Variants in GADL1 observed in about 807,000 individuals in gnomAD.
GADL1 encodes acidic amino acid decarboxylase GADL1.
GADL1 carries 71 observed loss-of-function variants against 69.5 expected under a neutral mutation model. The ratio of observed to expected loss-of-function variants is 1.02; its 90% CI spans 0.84 to 1.25. GADL1 has a LOEUF of 1.25. GADL1 is among the 50% of genes most tolerant of loss of function. The pLI, the probability that GADL1 is intolerant of heterozygous loss-of-function variation, is 0.00. For missense variants in GADL1, 737 were observed against 631.8 expected (o/e 1.17, Z -1.79); for synonymous variants, 254 against 214.4 (o/e 1.18, Z -1.62).
intron 14 of GADL1, among the ~76,000 whole-genome samples, chr3:30,757,634 C>G (rs1439547208): frequency 1.3e-5 from 2 of 152,162 alleles, no homozygotes. Context: ...AACCCCCCCA[C>G]AGAGAATGAG....
intron 14 of GADL1, among the ~76,000 whole-genome samples, 164 bp from the exon 15 acceptor site, chr3:30,728,579 C>A (rs1695406408): frequency 6.6e-6 from 1 of 152,178 alleles, no homozygotes; most frequent in South Asian, 2.1e-4. Context: ...ATGGAGGACT[C>A]ATGAGTACTG....
At chr3:30,868,266 C>T (rs971385295) in intron 1 of GADL1, among the ~76,000 whole-genome samples, 2 of 151,874 alleles carry the variant, frequency 1.3e-5, no homozygotes, top group Non-Finnish European at 2.9e-5. Flanking sequence ...CAGTGGTTTC[C>T]GATAGTCCGT....
chr3:30,865,319 G>C lies in GADL1; in HGVS notation c.38-3554C>G, dbSNP rs960709033. 2.5e-4 allele frequency among the ~76,000 whole-genome samples: 37 copies of C among 150,188 alleles called. 1 individual carries two copies. The highest frequency in any genetic ancestry group is 6.6e-5 in the Admixed American group (1 of 15,068). ...TATATATATATATTTTTTAATATCTGTCTCTCCAATAAAGAAAGGTTAAGC... is the reference window on the plus strand; with the variant it reads ...TATATATATATATTTTTTAATATCTCTCTCTCCAATAAAGAAAGGTTAAGC... On this transcript the variant is annotated intron_variant, in intron 1 of 14. Transcript: ENST00000282538.
chr3:30,835,108 C>T (rs950366713), intron 9 of GADL1, among the ~76,000 whole-genome samples: 1 of 152,086 alleles, frequency 6.6e-6, no homozygotes, highest in Admixed American at 6.6e-5. Flanking sequence ...GTTATGATCA[C>T]TTCCACTTTT....
chr3:30,809,534 T>C (rs1305536583), intron 11 of GADL1, among the ~76,000 whole-genome samples: 3 of 152,176 alleles, frequency 2.0e-5, no homozygotes, highest in African/African-American at 7.2e-5. Flanking sequence ...TTTTTTGATA[T>C]TGACTCAGCT....
intron 1 of GADL1, 102 bp downstream of exon 1, chr3:30,894,476 A>G (rs1698830294): frequency 1.1e-5 from 11 of 964,952 alleles, no homozygotes; most frequent in Middle Eastern, 2.2e-4. Context: ...GCCGCTTTAC[A>G]AAGAAATAAC....
intron 14 of GADL1, among the ~76,000 whole-genome samples, chr3:30,750,849 A>G (rs1695799388): frequency 1.3e-5 from 2 of 152,044 alleles, no homozygotes; most frequent in African/African-American, 2.4e-5. Context: ...TTTTATTTTC[A>G]ATGAACATTA....
chr3:30,736,932 G>A (rs531891763), intron 14 of GADL1, among the ~76,000 whole-genome samples: 1 of 152,170 alleles, frequency 6.6e-6, no homozygotes, highest in Non-Finnish European at 1.5e-5. Context: ...AGTAAAAAAA[G>A]TTACTTTTTC....
At chr3:30,752,409 G>A (rs1428195014) in intron 14 of GADL1, among the ~76,000 whole-genome samples, 1 of 151,910 alleles carries the variant, frequency 6.6e-6, no homozygotes, top group Non-Finnish European at 1.5e-5. Flanking sequence ...TATGGTGAAA[G>A]AGGATGGGAG....
intron 12 of GADL1, 62 bp from the exon 13 acceptor site, chr3:30,786,468 T>C: frequency 1.2e-6 from 1 of 864,934 alleles, no homozygotes; most frequent in South Asian, 1.4e-5. Context: ...TGAACATGAC[T>C]GATATGACAA....
chr3:30,788,497 T>G (rs1000376744), intron 12 of GADL1, among the ~76,000 whole-genome samples: 1 of 152,190 alleles, frequency 6.6e-6, no homozygotes, highest in African/African-American at 2.4e-5. Flanking sequence ...GCCTTGATGT[T>G]GGTTGCTGAC....
At chr3:30,756,097 C>A (rs1272875325) in intron 14 of GADL1, among the ~76,000 whole-genome samples, 1 of 152,134 alleles carries the variant, frequency 6.6e-6, no homozygotes, top group Non-Finnish European at 1.5e-5. Flanking sequence ...CAGCAGGGAA[C>A]CAGCAGCAGC....
At chr3:30,764,905 G>A (rs1029984340) in intron 14 of GADL1, among the ~76,000 whole-genome samples, 10 of 148,928 alleles carry the variant, frequency 6.7e-5, no homozygotes, top group African/African-American at 2.2e-4. Context: ...AAACAGTGAG[G>A]CACTACCATT....
At chr3:30,793,569 T>C (rs1503096) in intron 12 of GADL1, among the ~76,000 whole-genome samples, 125,494 of 152,112 alleles carry the variant, frequency 0.83, 52,046 homozygotes, top group African/African-American at 0.9. Flanking sequence ...AAAAAATACA[T>C]ATTGAGTTTT....
intron 1 of GADL1, among the ~76,000 whole-genome samples, chr3:30,865,553 A>T (rs1698389508): frequency 6.6e-6 from 1 of 152,052 alleles, no homozygotes; most frequent in Non-Finnish European, 1.5e-5. Context: ...CTGATAGCAC[A>T]GCAAGGAGAC....
chr3:30,880,807 C>T (rs1356603295), intron 1 of GADL1, among the ~76,000 whole-genome samples: 3 of 151,788 alleles, frequency 2.0e-5, no homozygotes, highest in African/African-American at 7.3e-5. Context: ...GATTAAATGA[C>T]TGTAAATTTG....
chr3:30,873,146 C>T (rs1211328032), intron 1 of GADL1, among the ~76,000 whole-genome samples: 3 of 151,888 alleles, frequency 2.0e-5, no homozygotes, highest in Non-Finnish European at 4.4e-5. Flanking sequence ...TCTATCTTCT[C>T]TAGTAGCTTT....
intron 14 of GADL1, among the ~76,000 whole-genome samples, chr3:30,741,582 T>C (rs896966300): frequency 1.3e-5 from 2 of 152,140 alleles, no homozygotes; most frequent in African/African-American, 4.8e-5. Context: ...CCTCTCAAAA[T>C]GTTCTTGCCG....
intron 6 of GADL1, among the ~76,000 whole-genome samples, chr3:30,846,054 CAAAA>C (rs55634806): frequency 1.7e-5 from 2 of 115,946 alleles, no homozygotes; most frequent in Admixed American, 1.7e-4. Flanking sequence ...ATAGATAGAT[CAAAA>C]AAAAAAAAAA....
Sources: allele counts gnomAD v4.1 joint callset (sites outside exome capture counted in the v4.1 genomes callset), GRCh38; gene constraint gnomAD v4.1.1; transcripts MANE v1.5; gene names NCBI Gene and HGNC (gene_info 2026-07-23, HGNC 2026-07-21).